Variants in ABCA12 observed in about 807,000 individuals in gnomAD.
ABCA12 encodes the protein glucosylceramide transporter ABCA12.
ABCA12 carries 156 observed loss-of-function variants against 293.5 expected under a neutral mutation model. The ratio of observed to expected loss-of-function variants is 0.53; its 90% CI spans 0.47 to 0.61. The LOEUF (loss-of-function observed/expected upper bound fraction) is 0.61, where lower values mean the gene tolerates loss of function less well. Among genes scored for constraint, ABCA12 ranks in the 20% least tolerant of loss-of-function variants. ABCA12 has a pLI of 0.00. For synonymous variants in ABCA12, 1,063 were observed against 1,108.0 expected (o/e 0.96, Z 0.81); for missense variants, 2,797 against 3,090.2 (o/e 0.91, Z 2.25).
At chr2:214,949,192 C>T (rs1233264681) in intron 45 of ABCA12, 43 bp from the exon 46 acceptor site, 2 of 1,362,144 alleles carry the variant, frequency 1.5e-6, no homozygotes, top group Non-Finnish European at 1.1e-6. Context: ...TTAATCCAAA[C>T]CAATGAGACA....
At chr2:214,977,240 T>C (rs1173665792) in intron 33 of ABCA12, among the ~76,000 whole-genome samples, 1 of 152,196 alleles carries the variant, frequency 6.6e-6, no homozygotes, top group Non-Finnish European at 1.5e-5. Context: ...GAAGGGAACA[T>C]TTGGACTGAA....
At chr2:215,036,817 C>T in intron 8 of ABCA12, 136 bp downstream of exon 8, 1 of 777,586 alleles carries the variant, frequency 1.3e-6, no homozygotes, top group Admixed American at 2.1e-5. Context: ...AACTCGAGAT[C>T]CAGATTTATT....
intron 2 of ABCA12, among the ~76,000 whole-genome samples, chr2:215,081,391 T>C (rs1247150002): frequency 6.6e-6 from 1 of 150,424 alleles, no homozygotes; most frequent in Non-Finnish European, 1.5e-5. Flanking sequence ...GGCAGGAGAA[T>C]TGCTTGAATT....
chr2:215,015,685 T>TG lies in ABCA12; in HGVS notation c.1783-23_1783-22insC, dbSNP rs777124962. 6 of 1,609,310 alleles carry TG rather than the reference T, an allele frequency of 3.7e-6. No homozygotes were observed. In the South Asian group the frequency reaches 4.4e-5, roughly 12 times the overall value. ...TAATCTGCAAATGGAGGAAGAAAAA[T>TG]ATTTCAACTGTGAATCATTCGAGAG... is the stretch of plus-strand genomic sequence containing the variant. On this transcript the variant is annotated intron_variant, in intron 14 of 52. Transcript: ENST00000272895.
chr2:215,108,208 A>G (rs1702501797), intron 2 of ABCA12, among the ~76,000 whole-genome samples: 1 of 152,202 alleles, frequency 6.6e-6, no homozygotes, highest in Admixed American at 6.5e-5. Flanking sequence ...TACTTCAGCT[A>G]CAATGCTTCA....
rs1345220946 is a variant in ABCA12, at chr2:215,010,348, T to G, written c.2455A>C (p.Lys819Gln). 1.9e-6 allele frequency: 3 copies of G among 1,613,676 alleles called. No individual in the cohort carries two copies. The highest frequency in any genetic ancestry group is 4.5e-5 in the East Asian group (2 of 44,860). Residue 819 changes from lysine (K) to glutamine (Q), a missense_variant, in exon 18 of 53, where the codon AAG becomes CAG. This residue lies in a region of ABCA12 where 2,130 missense variants were observed against 2,427.0 expected (regional missense o/e 0.88). Coordinates refer to ENST00000272895, the MANE Select transcript of ABCA12 (RefSeq NM_173076.3). Reference sequence around the variant, plus strand: ...GGTCAAACCTTTTCCATTATTGCCTTTGTGACTGGGTTATATGGTGCATAC... The same window carrying G: ...GGTCAAACCTTTTCCATTATTGCCTGTGTGACTGGGTTATATGGTGCATAC... Reference protein sequence around the residue: ...ILYAPYNPVTKAIMEKSNVTL... With the variant: ...ILYAPYNPVTQAIMEKSNVTL...
intron 17 of ABCA12, among the ~76,000 whole-genome samples, chr2:215,010,749 T>C (rs1052704565): frequency 6.6e-6 from 1 of 152,114 alleles, no homozygotes; most frequent in Non-Finnish European, 1.5e-5. Context: ...TCAGAATGGC[T>C]AACAGATTCA....
chr2:215,019,850 T>C (rs1042297569), intron 11 of ABCA12, 54 bp from the exon 12 acceptor site: 3 of 1,589,552 alleles, frequency 1.9e-6, no homozygotes, highest in Admixed American at 1.7e-5. Context: ...TTTCTACATA[T>C]ATAGTAGTTG....
At chr2:214,992,698 C>T (rs1425769264) in intron 23 of ABCA12, among the ~76,000 whole-genome samples, 2 of 151,360 alleles carry the variant, frequency 1.3e-5, no homozygotes, top group African/African-American at 4.9e-5. Flanking sequence ...CCCATCTCTA[C>T]TAAAAATACA....
chr2:215,011,576 T>C lies in ABCA12; in HGVS notation c.2195A>G (p.Gln732Arg), dbSNP rs780226056. The change falls in exon 17 of 53, where the codon CAA (glutamine) becomes CGA (arginine). Residue 732 changes from glutamine (Q) to arginine (R), a missense_variant. Coordinates refer to ENST00000272895, the MANE Select transcript of ABCA12 (RefSeq NM_173076.3). Reference sequence around the variant, plus strand: ...AGTTAAATATTCAGTGGTAATTCCTTGAGAACATAATGCTTGGGAGATGGT... The same window carrying C: ...AGTTAAATATTCAGTGGTAATTCCTCGAGAACATAATGCTTGGGAGATGGT... ...FSTISQALCS[Q>R]GITTEYLTAM... 8.7e-6 allele frequency: 14 copies of C among 1,613,350 alleles called. No homozygotes were observed. In the East Asian group the frequency reaches 2.5e-4, roughly 28 times the overall value.
Position 214,951,082 on chromosome 2 carries a change from G to A in ABCA12, c.6649C>T (p.Leu2217Phe). The A allele has an allele frequency of 6.2e-7, 1 of 1,613,100 alleles. No individual in the cohort carries two copies. Among genetic ancestry groups the A allele is most frequent in the East Asian group, 2.2e-5 (1 of 44,850 alleles). ...GAAGAATTAAATTTTCTGAAGAAAA[G>A]CCTAAAAATGGACCCAGTGATTTTA... The part of the protein sequence containing the change: ...INESLIKKLR[L>F]FFRKFNSSHV... Residue 2217 changes from leucine (L) to phenylalanine (F), a missense_variant and splice_region_variant, in exon 45 of 53, where the codon CTT becomes TTT. Leu to Phe is a conservative substitution (Grantham distance 22, BLOSUM62 0). This residue lies in a region of ABCA12 where 2,130 missense variants were observed against 2,427.0 expected (regional missense o/e 0.88). Coordinates refer to ENST00000272895, the MANE Select transcript of ABCA12 (RefSeq NM_173076.3).
At chr2:215,118,035 T>C (rs1390371830) in intron 1 of ABCA12, among the ~76,000 whole-genome samples, 2 of 152,372 alleles carry the variant, frequency 1.3e-5, no homozygotes, top group East Asian at 3.9e-4. Context: ...TATCACATTA[T>C]ATATTTTGCC....
At chr2:215,064,693 G>GCACACA (rs10541959) in intron 2 of ABCA12, among the ~76,000 whole-genome samples, 156 of 140,000 alleles carry the variant, frequency 1.1e-3, no homozygotes, top group South Asian at 3.8e-3. Context: ...TTTAATACAC[G>GCACACA]CACACACACA....
intron 1 of ABCA12, among the ~76,000 whole-genome samples, chr2:215,119,956 C>A (rs1702771085): frequency 6.6e-6 from 1 of 151,962 alleles, no homozygotes. Flanking sequence ...ATCATTATAC[C>A]AAAAAGATAC....
intron 2 of ABCA12, among the ~76,000 whole-genome samples, chr2:215,074,168 C>T (rs1046542338): frequency 2.0e-5 from 3 of 152,174 alleles, no homozygotes; most frequent in Non-Finnish European, 4.4e-5. Flanking sequence ...TCCATGATCT[C>T]ACATATTCCC....
Position 215,000,717 on chromosome 2 carries a change from A to G in ABCA12, c.3167T>C (p.Phe1056Ser). The G allele has an allele frequency of 6.2e-7, 1 of 1,614,040 alleles. No homozygotes were observed. The highest frequency in any genetic ancestry group is 8.5e-7 in the Non-Finnish European group (1 of 1,179,938). ...TGCACACACTTACTTGTCTTTCATG[A>G]AGCAGGGATAAGGAATTGCTTGAAC... ...VQVQAIPYPC[F>S]MKDNFLTSVS... is the part of the protein sequence containing the mutation. The change falls in exon 22 of 53, where the codon TTC becomes TCC. Residue 1056 changes from phenylalanine (F) to serine (S), a missense_variant. Physicochemically the swap from Phe to Ser is radical, Grantham distance 155. Coordinates refer to ENST00000272895, the MANE Select transcript of ABCA12 (RefSeq NM_173076.3).
chr2:215,104,392 G>A (rs150646331), intron 2 of ABCA12, among the ~76,000 whole-genome samples: 186 of 152,336 alleles, frequency 1.2e-3, no homozygotes, highest in Non-Finnish European at 2.0e-3. Flanking sequence ...GCATTAGGGT[G>A]TGCCCATCCA....
intron 6 of ABCA12, among the ~76,000 whole-genome samples, chr2:215,047,716 C>A (rs964193026): frequency 6.6e-6 from 1 of 152,054 alleles, no homozygotes; most frequent in Admixed American, 6.6e-5. Flanking sequence ...ATTATAAAAA[C>A]CCTGGAAGAC....
intron 3 of ABCA12, among the ~76,000 whole-genome samples, chr2:215,058,539 A>T (rs1701465475): frequency 6.6e-6 from 1 of 152,032 alleles, no homozygotes; most frequent in Non-Finnish European, 1.5e-5. Flanking sequence ...GAAGCATATG[A>T]AAGTACTGCA....
Sources: allele counts gnomAD v4.1 joint callset (sites outside exome capture counted in the v4.1 genomes callset), GRCh38; gene constraint gnomAD v4.1.1; regional missense constraint gnomAD v4.1.1; transcripts MANE v1.5; gene names NCBI Gene and HGNC (gene_info 2026-07-23, HGNC 2026-07-21).